The following SOX5 variants were observed in gnomAD, a reference collection of about 807,000 sequenced individuals.
SOX5 encodes transcription factor SOX-5.
Under a neutral mutation model 92.0 loss-of-function variants are expected in SOX5, and 9 were observed. The ratio of observed to expected loss-of-function variants is 0.10; its 90% CI spans 0.06 to 0.17. The LOEUF (loss-of-function observed/expected upper bound fraction) is 0.17, where lower values mean the gene tolerates loss of function less well. Among genes scored for constraint, SOX5 ranks in the 10% least tolerant of loss-of-function variants. The pLI, the probability that SOX5 is intolerant of heterozygous loss-of-function variation, is 1.00. For missense variants in SOX5, 642 were observed against 944.5 expected, an observed-to-expected ratio of 0.68 and a Z score of 4.20; for synonymous variants, 344 against 336.3, an observed-to-expected ratio of 1.02 and a Z score of -0.25.
chr12:23,557,314 G>C (rs1452104899), intron 11 of SOX5, among the ~76,000 whole-genome samples: 1 of 151,998 alleles, frequency 6.6e-6, no homozygotes, highest in Non-Finnish European at 1.5e-5. Flanking sequence ...CATCTTATTT[G>C]ACAGAAAATT....
chr12:23,900,866 A>C (rs1284141283), intron 1 of SOX5, among the ~76,000 whole-genome samples: 1 of 152,014 alleles, frequency 6.6e-6, no homozygotes, highest in African/African-American at 2.4e-5. Context: ...AGGCTGAGGC[A>C]GGGGAATCAC....
Position 23,616,401 on chromosome 12 carries a change from T to C in SOX5, c.1018-11868A>G, listed in dbSNP as rs775709809. ...ATCACAGACCATGGGGGAAAAGTGATTGGGGAAAGGTGCCTAGAGGAAAGT... is the reference window on the plus strand; with the variant it reads ...ATCACAGACCATGGGGGAAAAGTGACTGGGGAAAGGTGCCTAGAGGAAAGT... On this transcript the variant is annotated intron_variant, in intron 8 of 14. Transcript: ENST00000451604. 7.9e-4 allele frequency among the ~76,000 whole-genome samples: 121 copies of C among 152,284 alleles called. 1 individual carries two copies. The highest frequency in any genetic ancestry group is 2.5e-3 in the South Asian group (12 of 4,830).
intron 4 of SOX5, among the ~76,000 whole-genome samples, chr12:24,169,319 T>C (rs530999863): frequency 6.6e-6 from 1 of 152,332 alleles, no homozygotes; most frequent in South Asian, 2.1e-4. Flanking sequence ...TTTTAAAGTC[T>C]TCGGGAAAAG....
intron 7 of SOX5, among the ~76,000 whole-genome samples, chr12:23,642,072 G>A (rs7316557): frequency 0.25 from 37,494 of 151,866 alleles, 4,988 homozygotes; most frequent in Middle Eastern, 0.32. Flanking sequence ...TGTTCACTGC[G>A]TATTTTTATA....
chr12:24,435,560 C>A (rs775184512), intron 1 of SOX5, among the ~76,000 whole-genome samples: 3 of 152,078 alleles, frequency 2.0e-5, no homozygotes, highest in African/African-American at 7.2e-5. Flanking sequence ...AGCACAATGT[C>A]CTGCACATAG....
rs112917613 is a variant in SOX5 at position 24,289,580 on chromosome 12, A to G, written c.-173-12268T>C. On this transcript the variant is annotated intron_variant, in intron 2 of 4. Transcript: ENST00000446891. Reference sequence around the variant, plus strand: ...GCCATTCTCCTGCCTCAGCCTCCCAAGTAGCTGGGACTACAGGCGCCCGCC... The same window carrying G: ...GCCATTCTCCTGCCTCAGCCTCCCAGGTAGCTGGGACTACAGGCGCCCGCC... Among the ~76,000 whole-genome samples, 9 of 140,884 alleles carry G rather than the reference A, an allele frequency of 6.4e-5. 1 individual carries two copies. The highest frequency in any genetic ancestry group is 3.4e-4 in the Admixed American group (5 of 14,682). The allele number at this position is 140,884 out of a possible 152,430, so 92.4% of individuals were successfully genotyped here.
At chr12:23,919,029 G>GA (rs2097452152) in intron 1 of SOX5, among the ~76,000 whole-genome samples, 1 of 152,064 alleles carries the variant, frequency 6.6e-6, no homozygotes, top group East Asian at 1.9e-4. Context: ...TCACATTGCA[G>GA]AAAATCACAA....
intron 1 of SOX5, among the ~76,000 whole-genome samples, chr12:24,481,275 G>A (rs958628180): frequency 6.6e-6 from 1 of 152,062 alleles, no homozygotes; most frequent in African/African-American, 2.4e-5. Flanking sequence ...TAGTGGGGGT[G>A]GGGGGTTGGA....
At chr12:24,016,798 C>T (rs1365012209) in intron 4 of SOX5, among the ~76,000 whole-genome samples, 1 of 152,092 alleles carries the variant, frequency 6.6e-6, no homozygotes, top group South Asian at 2.1e-4. Context: ...AGAAAGAGAG[C>T]AAAAGGCTGT....
intron 2 of SOX5, among the ~76,000 whole-genome samples, chr12:24,314,010 C>G (rs1949460579): frequency 6.6e-6 from 1 of 152,126 alleles, no homozygotes; most frequent in Non-Finnish European, 1.5e-5. Context: ...ATCAAAAAAT[C>G]CAGTTGATGG....
At chr12:24,314,325 G>C (rs994629414) in intron 2 of SOX5, among the ~76,000 whole-genome samples, 3 of 149,056 alleles carry the variant, frequency 2.0e-5, no homozygotes, top group African/African-American at 7.4e-5. Context: ...GTGTATATGT[G>C]CCACACAGGA....
intron 1 of SOX5, among the ~76,000 whole-genome samples, chr12:24,486,941 A>C (rs572426236): frequency 3.3e-5 from 5 of 152,162 alleles, no homozygotes; most frequent in Non-Finnish European, 7.3e-5. Context: ...TTGCACCCTG[A>C]TACTGGTAAA....
chr12:23,777,585 C>A (rs2095145670), intron 3 of SOX5, among the ~76,000 whole-genome samples: 1 of 152,062 alleles, frequency 6.6e-6, no homozygotes. Context: ...CAATACATAC[C>A]TTTCTTTGCA....
intron 3 of SOX5, among the ~76,000 whole-genome samples, chr12:24,248,462 C>T (rs990150093): frequency 5.9e-5 from 9 of 152,140 alleles, no homozygotes; most frequent in African/African-American, 1.4e-4. Flanking sequence ...AGTGCAGTGG[C>T]GCAATCTCAG....
At chr12:23,814,443 A>G (rs2095944565) in intron 3 of SOX5, among the ~76,000 whole-genome samples, 1 of 152,220 alleles carries the variant, frequency 6.6e-6, no homozygotes, top group Non-Finnish European at 1.5e-5. Context: ...AGACTGTACA[A>G]CAGAGAAGCA....
intron 4 of SOX5, among the ~76,000 whole-genome samples, chr12:24,114,329 C>T (rs1947723221): frequency 1.3e-5 from 2 of 151,974 alleles, no homozygotes; most frequent in Non-Finnish European, 2.9e-5. Flanking sequence ...GAAATTGCAG[C>T]ACTTCTGGAG....
intron 1 of SOX5, among the ~76,000 whole-genome samples, chr12:23,906,852 T>G (rs1419667677): frequency 6.6e-6 from 1 of 151,880 alleles, no homozygotes; most frequent in Non-Finnish European, 1.5e-5. Context: ...ATAAAGACAG[T>G]ATTAAAAATC....
At chr12:24,390,600 T>C (rs901470160) in intron 1 of SOX5, among the ~76,000 whole-genome samples, 2 of 152,160 alleles carry the variant, frequency 1.3e-5, no homozygotes, top group Non-Finnish European at 2.9e-5. Flanking sequence ...GTTTCTAATG[T>C]CTATTATTCC....
intron 9 of SOX5, among the ~76,000 whole-genome samples, chr12:23,603,573 A>G (rs1487720162): frequency 2.0e-5 from 3 of 150,906 alleles, no homozygotes; most frequent in Admixed American, 1.3e-4. Context: ...CTGCTTTACG[A>G]TCACTCTTCT....
Sources: allele counts gnomAD v4.1 joint callset (sites outside exome capture counted in the v4.1 genomes callset), GRCh38; gene constraint gnomAD v4.1.1; transcripts MANE v1.5; gene names NCBI Gene and HGNC (gene_info 2026-07-23, HGNC 2026-07-21).